The following GRID2 variants were observed in gnomAD, a reference collection of about 807,000 sequenced individuals.
The protein encoded by GRID2 is glutamate ionotropic receptor delta type subunit 2, also known as glutamate receptor ionotropic, delta-2.
In GRID2, 33 loss-of-function variants were observed where a neutral mutation model predicts 114.8. The ratio of observed to expected loss-of-function variants is 0.29; its 90% CI spans 0.22 to 0.38. The LOEUF (loss-of-function observed/expected upper bound fraction) is 0.38, where lower values mean the gene tolerates loss of function less well. GRID2 is among the 10% of genes least tolerant of loss of function. The pLI is 1.00. For synonymous variants in GRID2, 505 were observed against 449.9 expected (o/e 1.12, Z -1.55); for missense variants, 1,184 against 1,257.7 (o/e 0.94, Z 0.89).
chr4:93,567,120 C>T (rs1578277539), intron 13 of GRID2, among the ~76,000 whole-genome samples: 2 of 152,158 alleles, frequency 1.3e-5, no homozygotes, highest in East Asian at 1.9e-4. Flanking sequence ...TGTGTGCTAA[C>T]AAGCTCCTTG....
At chr4:93,553,633 A>C (rs1028419515) in intron 13 of GRID2, among the ~76,000 whole-genome samples, 4 of 152,206 alleles carry the variant, frequency 2.6e-5, no homozygotes, top group Admixed American at 2.6e-4. Flanking sequence ...TATCTCTAAG[A>C]TACACTTGTA....
intron 9 of GRID2, among the ~76,000 whole-genome samples, chr4:93,415,196 C>T (rs1767583985): frequency 6.6e-6 from 1 of 152,106 alleles, no homozygotes; most frequent in African/African-American, 2.4e-5. Flanking sequence ...TCATTTGGTA[C>T]AGCCAGTCAC....
chr4:93,470,720 C>T (rs981572243), intron 11 of GRID2, among the ~76,000 whole-genome samples: 1 of 151,748 alleles, frequency 6.6e-6, no homozygotes, highest in African/African-American at 2.4e-5. Flanking sequence ...CACTAATTGA[C>T]AAAATTAAAA....
chr4:93,399,012 C>T (rs985445381), intron 9 of GRID2, among the ~76,000 whole-genome samples: 8 of 151,860 alleles, frequency 5.3e-5, no homozygotes, highest in African/African-American at 1.9e-4. Context: ...CTGAGAACCA[C>T]TCTCCCCTCA....
chr4:92,459,059 A>G (rs1167310840), intron 1 of GRID2, among the ~76,000 whole-genome samples: 1 of 152,168 alleles, frequency 6.6e-6, no homozygotes. Flanking sequence ...ATGAAAAGTT[A>G]TCTTTGAAAC....
chr4:92,745,543 TAAG>T (rs1376240922), intron 2 of GRID2, among the ~76,000 whole-genome samples: 15 of 152,144 alleles, frequency 9.9e-5, no homozygotes, highest in Non-Finnish European at 1.8e-4. Context: ...TCTAAATATT[TAAG>T]AAGAGATATT....
intron 13 of GRID2, among the ~76,000 whole-genome samples, chr4:93,608,567 T>C (rs1436402940): frequency 1.0e-4 from 15 of 144,364 alleles, no homozygotes; most frequent in Middle Eastern, 3.5e-3. Context: ...CAGTGTTTGG[T>C]TTTTTGTTCT....
At position 92,942,354 on chromosome 4, in the gene GRID2, G is replaced by T. The variant is rs188287170; in HGVS notation, c.245-142641G>T. Reference sequence around the variant, plus strand: ...TTCTTTGTCTCTTCTGATATTTGTTGGTTTAAAGTCTGTTTTATCAGAGAC... The same window carrying T: ...TTCTTTGTCTCTTCTGATATTTGTTTGTTTAAAGTCTGTTTTATCAGAGAC... On this transcript the variant is annotated intron_variant, in intron 2 of 15. Coordinates refer to ENST00000282020, the MANE Select transcript of GRID2 (RefSeq NM_001510.4). Among the ~76,000 whole-genome samples the T allele has an allele frequency of 1.2e-3, 181 of 152,190 alleles. 1 individual carries two copies. The highest frequency in any genetic ancestry group is 4.2e-3 in the African/African-American group (173 of 41,530).
rs55823712 is a variant in GRID2 at position 93,335,694 on chromosome 4, C to CTTTTTTTTTTT, written c.1246-59911_1246-59901dup. On this transcript the variant is annotated intron_variant, in intron 8 of 15. Transcript: ENST00000282020. ...TTCTCTCTCTCTTTCTTTCTTCTTT[C>CTTTTTTTTTTT]TTTTTTTTTTTTGAGACAGGGTCTC... is the stretch of plus-strand genomic sequence containing the variant. 1.6e-4 allele frequency among the ~76,000 whole-genome samples: 23 copies of CTTTTTTTTTTT among 141,720 alleles called. 2 individuals carry two copies. Among genetic ancestry groups the CTTTTTTTTTTT allele is most frequent in the African/African-American group, 5.9e-4 (22 of 37,182 alleles). The allele number at this position is 141,720 out of a possible 152,430, so 93.0% of individuals were successfully genotyped here.
At chr4:92,423,878 T>C (rs113179160) in intron 1 of GRID2, among the ~76,000 whole-genome samples, 3 of 152,072 alleles carry the variant, frequency 2.0e-5, no homozygotes, top group African/African-American at 7.2e-5. Flanking sequence ...GCAACACAAT[T>C]AGTCAAATTG....
intron 4 of GRID2, among the ~76,000 whole-genome samples, chr4:93,138,635 C>T (rs1031367184): frequency 3.3e-5 from 5 of 152,158 alleles, no homozygotes; most frequent in Admixed American, 2.0e-4. Flanking sequence ...GCCAGACAAC[C>T]GATAATCACC....
rs929374845 is a variant in GRID2, at chr4:92,515,122, G to A, written c.89-75009G>A. 1.3e-4 allele frequency among the ~76,000 whole-genome samples: 20 copies of A among 151,040 alleles called. 1 individual carries two copies. The highest frequency in any genetic ancestry group is 9.2e-4 in the Admixed American group (14 of 15,190). On this transcript the variant is annotated intron_variant, in intron 1 of 15. Transcript: ENST00000282020. ...AATGTTGTTATATTTTTATATTGAC[G>A]TGATGACTTAGTATAAATTATACTT...
chr4:92,953,168 A>G (rs1330742999), intron 2 of GRID2, among the ~76,000 whole-genome samples: 2 of 152,198 alleles, frequency 1.3e-5, no homozygotes, highest in African/African-American at 4.8e-5. Context: ...CTTTACAAAT[A>G]AGGTCACATT....
intron 1 of GRID2, among the ~76,000 whole-genome samples, chr4:92,360,580 C>G (rs1460042948): frequency 6.6e-6 from 1 of 151,900 alleles, no homozygotes; most frequent in African/African-American, 2.4e-5. Context: ...CAATGAGAGA[C>G]AAGTGAAAGT....
At chr4:93,002,096 C>T (rs1342463687) in intron 2 of GRID2, among the ~76,000 whole-genome samples, 1 of 151,404 alleles carries the variant, frequency 6.6e-6, no homozygotes, top group Non-Finnish European at 1.5e-5. Context: ...GGTACAGCTA[C>T]ATTGTTTTTC....
In GRID2 at chr4:92,414,168, T is replaced by C. The variant is rs1194134639; in HGVS notation, c.88+109424T>C. Among the ~76,000 whole-genome samples the C allele has an allele frequency of 2.6e-5, 4 of 152,212 alleles. No homozygotes were observed. The East Asian group carries it at 7.7e-4, about 29-fold the overall frequency. ...TCTTGCTGCACCTTGTATCTTACTG[T>C]CTGAGACAATAGCTAGTGGGAAGCT... On this transcript the variant is annotated intron_variant, in intron 1 of 15. Coordinates refer to ENST00000282020, the MANE Select transcript of GRID2 (RefSeq NM_001510.4).
intron 2 of GRID2, among the ~76,000 whole-genome samples, chr4:92,886,905 G>A (rs867051375): frequency 2.0e-5 from 3 of 152,138 alleles, no homozygotes; most frequent in South Asian, 2.1e-4. Flanking sequence ...GATTATAGGC[G>A]TGAGCCACCA....
Position 92,882,848 on chromosome 4 carries a change from C to T in GRID2, c.245-202147C>T, listed in dbSNP as rs547978500. Among the ~76,000 whole-genome samples, 7 of 152,304 alleles carry T rather than the reference C, an allele frequency of 4.6e-5. 1 individual carries two copies. Among genetic ancestry groups the T allele is most frequent in the Admixed American group, 4.6e-4 (7 of 15,308 alleles). ...ACCTTTGGTGGTTAAAAAATGCTAA[C>T]AAATAATTTGAGCCTTCAACAAGTA... On this transcript the variant is annotated intron_variant, in intron 2 of 15. Coordinates refer to ENST00000282020, the MANE Select transcript of GRID2 (RefSeq NM_001510.4).
intron 1 of GRID2, among the ~76,000 whole-genome samples, chr4:92,361,692 C>A (rs1191526853): frequency 2.6e-5 from 4 of 151,878 alleles, no homozygotes; most frequent in African/African-American, 7.3e-5. Flanking sequence ...AAAAAGTTTG[C>A]CCATCTGTTG....
Sources: gnomAD v4.1 joint callset for allele counts (sites outside exome capture counted in the v4.1 genomes callset) on GRCh38, gnomAD v4.1.1 for gene constraint, MANE v1.5 for transcripts, NCBI Gene and HGNC (gene_info 2026-07-23, HGNC 2026-07-21) for gene names.